The following SLC6A11 variants were observed in gnomAD, a reference collection of about 807,000 sequenced individuals.
SLC6A11 encodes sodium- and chloride-dependent GABA transporter 3.
A neutral mutation model predicts 74.8 loss-of-function variants in SLC6A11; 25 were observed. The observed-to-expected ratio is 0.33, with a 90% CI of 0.24 to 0.47. The LOEUF (loss-of-function observed/expected upper bound fraction) is 0.47, where lower values mean the gene tolerates loss of function less well. Among genes scored for constraint, SLC6A11 ranks in the 20% least tolerant of loss-of-function variants. SLC6A11 has a pLI of 1.00. For synonymous variants in SLC6A11, 330 were observed against 330.2 expected (o/e 1.00, Z 0.01); for missense variants, 574 against 837.0 (o/e 0.69, Z 3.88).
intron 4 of SLC6A11, among the ~76,000 whole-genome samples, chr3:10,838,551 C>A (rs758023413): frequency 3.3e-4 from 50 of 152,302 alleles, no homozygotes; most frequent in Non-Finnish European, 5.4e-4. Context: ...GAGTTCAAGA[C>A]CAGCCTGGCC....
rs1011717879 is a variant in SLC6A11, at chr3:10,875,085, C to T, written c.881C>T (p.Ser294Phe). The T allele has an allele frequency of 1.9e-6, 3 of 1,608,628 alleles. No individual in the cohort carries two copies. Among genetic ancestry groups the T allele is most frequent in the Admixed American group, 1.7e-5 (1 of 59,752 alleles). Residue 294 changes from serine (S) to phenylalanine (F), a missense_variant, in exon 6 of 14, where the codon TCC becomes TTC. Around this residue, in one of 4 missense-constraint regions of SLC6A11, gnomAD observed 215 missense variants for 357.9 expected, o/e 0.60. Coordinates refer to ENST00000254488, the MANE Select transcript of SLC6A11 (RefSeq NM_014229.3). ...TTGTACCCTGACCTCTCCCGGCTCT[C>T]CGACCCCCAGGTAAGAGTCGCTTGC... ...FYLYPDLSRL[S>F]DPQVWVDAGT... is the part of the protein sequence containing the mutation.
intron 6 of SLC6A11, among the ~76,000 whole-genome samples, chr3:10,901,361 G>T (rs1695237980): frequency 6.6e-6 from 1 of 152,184 alleles, no homozygotes; most frequent in Admixed American, 6.5e-5. Flanking sequence ...CTCGTTCCCT[G>T]CTCCACACAA....
At chr3:10,839,119 T>C (rs1694405380) in intron 4 of SLC6A11, among the ~76,000 whole-genome samples, 1 of 152,170 alleles carries the variant, frequency 6.6e-6, no homozygotes, top group African/African-American at 2.4e-5. Context: ...CCTCCTCTCT[T>C]ATCCCCCATT....
intron 4 of SLC6A11, among the ~76,000 whole-genome samples, chr3:10,838,335 A>G (rs940905004): frequency 1.7e-4 from 26 of 152,344 alleles, no homozygotes; most frequent in Non-Finnish European, 3.8e-4. Context: ...GATTCCAGCC[A>G]CTGTCCTTCG....
chr3:10,884,531 AGCTT>A (rs1695020023), intron 6 of SLC6A11, among the ~76,000 whole-genome samples: 1 of 152,190 alleles, frequency 6.6e-6, no homozygotes, highest in Admixed American at 6.5e-5. Flanking sequence ...GAGGGGCTGA[AGCTT>A]GCACAGCCAG....
intron 10 of SLC6A11, among the ~76,000 whole-genome samples, chr3:10,931,902 C>G (rs753783046): frequency 3.7e-4 from 57 of 152,210 alleles, no homozygotes; most frequent in Non-Finnish European, 6.9e-4. Flanking sequence ...GCCCAGGGCA[C>G]TCTGGGAGCA....
chr3:10,933,349 T>C, intron 11 of SLC6A11, 96 bp downstream of exon 11: 5 of 828,602 alleles, frequency 6.0e-6, no homozygotes. Flanking sequence ...CTCTGTGGCT[T>C]ATCTTGGTCT....
At chr3:10,823,062 T>G (rs963520964) in intron 3 of SLC6A11, among the ~76,000 whole-genome samples, 2 of 151,654 alleles carry the variant, frequency 1.3e-5, no homozygotes, top group African/African-American at 4.8e-5. Context: ...TGATAGGGAG[T>G]GTTGGTTAGG....
At position 10,927,729 on chromosome 3, in the gene SLC6A11, C is replaced by T. The variant is rs528177259; in HGVS notation, c.1234-1473C>T. ...CTGGGCTTGAGTCCCAGCCCCATGA[C>T]TTGCCAGCTGTGTGCCTTGGGCTAG... On this transcript the variant is annotated intron_variant, in intron 9 of 13. Coordinates refer to ENST00000254488, the MANE Select transcript of SLC6A11 (RefSeq NM_014229.3). Among the ~76,000 whole-genome samples the T allele has an allele frequency of 6.6e-5, 10 of 152,176 alleles. No homozygotes were observed. The East Asian group carries it at 1.7e-3, about 27-fold the overall frequency.
chr3:10,834,324 C>T (rs1456782017), intron 4 of SLC6A11, among the ~76,000 whole-genome samples: 2 of 151,374 alleles, frequency 1.3e-5, no homozygotes, highest in African/African-American at 2.4e-5. Flanking sequence ...TGGACTCAGG[C>T]TCTGGAAGTA....
In SLC6A11 at chr3:10,918,525, G is replaced by A. The variant is rs560451239; in HGVS notation, c.1120+72G>A. On this transcript the variant is annotated intron_variant, in intron 8 of 13. Coordinates refer to ENST00000254488, the MANE Select transcript of SLC6A11 (RefSeq NM_014229.3). This position sits in a 1 kb window ranked among gnomAD's most constrained non-coding sequence, Gnocchi z 4.5. Reference sequence around the variant, plus strand: ...GGAGTGATGGTCATCATGGAAATGCGATCTTCCTCCTCGGCTCACACATCT... The same window carrying A: ...GGAGTGATGGTCATCATGGAAATGCAATCTTCCTCCTCGGCTCACACATCT... The A allele has an allele frequency of 4.2e-5, 64 of 1,520,274 alleles. No homozygotes were observed. Among genetic ancestry groups the A allele is most frequent in the South Asian group, 7.4e-5 (6 of 80,692 alleles). 94.2% of individuals were successfully genotyped at this position (1,520,274 alleles called of 1,614,324 possible).
At position 10,875,083 on chromosome 3, in the gene SLC6A11, C is replaced by T; in HGVS notation, c.879C>T (p.Leu293=). The T allele has an allele frequency of 1.2e-6, 2 of 1,608,870 alleles. No individual in the cohort carries two copies. Among genetic ancestry groups the T allele is most frequent in the East Asian group, 4.5e-5 (2 of 44,694 alleles). ...KFYLYPDLSR[L]SDPQVWVDAG... is the part of the protein sequence containing the mutation. The stretch of plus-strand genomic sequence containing the variant: ...ACTTGTACCCTGACCTCTCCCGGCT[C>T]TCCGACCCCCAGGTAAGAGTCGCTT... Residue 293 remains leucine (L), a synonymous_variant, in exon 6 of 14, where the codon CTC becomes CTT. Coordinates refer to ENST00000254488, the MANE Select transcript of SLC6A11 (RefSeq NM_014229.3).
intron 8 of SLC6A11, among the ~76,000 whole-genome samples, chr3:10,919,160 A>G (rs1018772826): frequency 6.6e-6 from 1 of 152,176 alleles, no homozygotes; most frequent in African/African-American, 2.4e-5. Flanking sequence ...ATAGATTGAC[A>G]TGTGTTTGTA....
chr3:10,895,596 TG>T (rs1695160965), intron 6 of SLC6A11, among the ~76,000 whole-genome samples: 1 of 152,088 alleles, frequency 6.6e-6, no homozygotes, highest in Non-Finnish European at 1.5e-5. Context: ...TGGGGCCTGT[TG>T]GGGGGATAGC....
intron 5 of SLC6A11, among the ~76,000 whole-genome samples, chr3:10,846,605 G>A (rs1329096563): frequency 6.6e-6 from 1 of 152,214 alleles, no homozygotes; most frequent in Non-Finnish European, 1.5e-5. Flanking sequence ...GATTAAGTCT[G>A]AGCGTTGGAG....
intron 5 of SLC6A11, among the ~76,000 whole-genome samples, chr3:10,860,898 A>G (rs1411777675): frequency 6.6e-6 from 1 of 152,252 alleles, no homozygotes; most frequent in East Asian, 1.9e-4. Context: ...TAGGAAATCC[A>G]GGTAGACATA....
intron 5 of SLC6A11, among the ~76,000 whole-genome samples, chr3:10,848,939 G>C (rs1694538980): frequency 6.6e-6 from 1 of 152,178 alleles, no homozygotes; most frequent in Non-Finnish European, 1.5e-5. Flanking sequence ...CTGGAATTCA[G>C]ACCCAGGCTG....
At chr3:10,887,428 T>C (rs975437400) in intron 6 of SLC6A11, among the ~76,000 whole-genome samples, 1 of 152,142 alleles carries the variant, frequency 6.6e-6, no homozygotes, top group Non-Finnish European at 1.5e-5. Context: ...GAAAAGACTT[T>C]ATGAAACACA....
intron 4 of SLC6A11, among the ~76,000 whole-genome samples, chr3:10,837,196 A>T (rs1455815496): frequency 6.6e-6 from 1 of 152,184 alleles, no homozygotes; most frequent in African/African-American, 2.4e-5. Flanking sequence ...ATTGGGAAGG[A>T]TGTTCCCAGC....
Sources: gnomAD v4.1 joint callset for allele counts (sites outside exome capture counted in the v4.1 genomes callset) on GRCh38, gnomAD v4.1.1 for gene constraint, gnomAD v4.1.1 regional missense constraint, Gnocchi (gnomAD v3.1) non-coding constraint, MANE v1.5 for transcripts, NCBI Gene and HGNC (gene_info 2026-07-23, HGNC 2026-07-21) for gene names.